Variants in FAM149A observed in about 807,000 individuals in gnomAD.
The protein encoded by FAM149A is family with sequence similarity 149 member A.
Under a neutral mutation model 78.2 loss-of-function variants are expected in FAM149A, and 71 were observed. The observed-to-expected ratio is 0.91, with a 90% CI of 0.75 to 1.11. The LOEUF is 1.11. Ranked by LOEUF, FAM149A falls within the 50% of genes least tolerant of loss-of-function variation. FAM149A has a pLI of 0.00. For missense variants in FAM149A, 1,036 were observed against 971.0 expected (o/e 1.07, Z -0.89); for synonymous variants, 446 against 410.5 (o/e 1.09, Z -1.04).
intron 1 of FAM149A, among the ~76,000 whole-genome samples, chr4:186,108,242 A>G (rs1418247793): frequency 6.6e-6 from 1 of 151,846 alleles, no homozygotes; most frequent in Non-Finnish European, 1.5e-5. Context: ...AAGTTTAAAG[A>G]GTGATGAGAA....
At chr4:186,124,190 C>T (rs1032575003) in intron 1 of FAM149A, 23 of 985,232 alleles carry the variant, frequency 2.3e-5, no homozygotes, top group Non-Finnish European at 2.8e-5. Context: ...GCACTATATT[C>T]CTCCAGAGTG....
intron 1 of FAM149A, among the ~76,000 whole-genome samples, chr4:186,129,329 G>A (rs1443094849): frequency 1.3e-5 from 2 of 152,128 alleles, no homozygotes; most frequent in Non-Finnish European, 2.9e-5. Context: ...TTGACCAAAG[G>A]AGAGAGCAAG....
chr4:186,132,604 G>T lies in FAM149A; in HGVS notation c.567-16569G>T, dbSNP rs2099321176. On this transcript the variant is annotated intron_variant, in intron 1 of 13. Transcript: ENST00000389354. ...TTCAGTATTTAAAGGGGAAAAGCAG[G>T]CTGGAGGGGATAGGAGGGTATGGTC... is the stretch of plus-strand genomic sequence containing the variant. Among the ~76,000 whole-genome samples the T allele has an allele frequency of 2.0e-5, 3 of 152,176 alleles. No individual in the cohort carries two copies. The East Asian group carries it at 5.8e-4, about 29-fold the overall frequency.
Position 186,156,582 on chromosome 4 carries a change from G to A in FAM149A, c.1420+392G>A, listed in dbSNP as rs189524775. On this transcript the variant is annotated intron_variant, in intron 7 of 13. Transcript: ENST00000389354. ...CCAGCTACTCGGGAGGCTGAGGCAGGAGAATTGCTTGAACCCAGGAGGTGG... is the reference window on the plus strand; with the variant it reads ...CCAGCTACTCGGGAGGCTGAGGCAGAAGAATTGCTTGAACCCAGGAGGTGG... 1.6e-4 allele frequency among the ~76,000 whole-genome samples: 24 copies of A among 152,236 alleles called. No individual in the cohort carries two copies. In the East Asian group the frequency reaches 4.6e-3, roughly 29 times the overall value.
chr4:186,163,723 A>T, intron 10 of FAM149A, 90 bp downstream of exon 10: 2 of 925,968 alleles, frequency 2.2e-6, no homozygotes, highest in Admixed American at 2.1e-5. Context: ...TGGACAAAGC[A>T]TCCCTACCTA....
chr4:186,155,683 A>G (rs935588784), intron 6 of FAM149A, among the ~76,000 whole-genome samples: 1 of 152,128 alleles, frequency 6.6e-6, no homozygotes, highest in African/African-American at 2.4e-5. Context: ...AAACAACCTA[A>G]CTTTATACTT....
intron 1 of FAM149A, among the ~76,000 whole-genome samples, chr4:186,134,238 T>C (rs1014981172): frequency 7.2e-5 from 11 of 152,214 alleles, no homozygotes; most frequent in Admixed American, 3.9e-4. Context: ...CATCGTGCGA[T>C]GCTGTTGAAG....
At chr4:186,150,577 G>A (rs13127990) in intron 3 of FAM149A, among the ~76,000 whole-genome samples, 43,261 of 96,410 alleles carry the variant, frequency 0.45, 8,618 homozygotes, top group East Asian at 0.54. Context: ...CCACCACCAC[G>A]CCCGGCTAAT....
intron 13 of FAM149A, chr4:186,171,136 C>G (rs994950477): frequency 8.5e-5 from 13 of 152,460 alleles, no homozygotes; most frequent in Admixed American, 7.9e-4. Context: ...TCCGTGCACC[C>G]TGCGGTGCTG....
intron 8 of FAM149A, chr4:186,160,895 C>A: frequency 1.6e-5 from 16 of 983,966 alleles, no homozygotes; most frequent in Non-Finnish European, 1.8e-5. Flanking sequence ...ATTTAATACT[C>A]CGTGATTGTA....
At chr4:186,106,867 G>C (rs1226930315) in intron 1 of FAM149A, among the ~76,000 whole-genome samples, 1 of 152,090 alleles carries the variant, frequency 6.6e-6, no homozygotes, top group African/African-American at 2.4e-5. Context: ...GGATGATGGC[G>C]TGAACCCGGG....
chr4:186,171,813 A>G, intron 13 of FAM149A, 101 bp from the exon 14 acceptor site: 2 of 765,536 alleles, frequency 2.6e-6, no homozygotes, highest in East Asian at 3.3e-5. Flanking sequence ...AAAATAAAAT[A>G]TATATTTTAA....
chr4:186,151,774 C>A lies in FAM149A; in HGVS notation c.790-129C>A. On this transcript the variant is annotated intron_variant, in intron 3 of 13. Transcript: ENST00000389354. ...GCACAGGTGTGTCTGACTGCAAAGC[C>A]ACCATCTTTTTACCAAGTGATGCAC... is the stretch of plus-strand genomic sequence containing the variant. 5 of 1,449,504 alleles carry A rather than the reference C, an allele frequency of 3.4e-6. No individual in the cohort carries two copies. In the East Asian group the frequency reaches 7.7e-5, roughly 22 times the overall value. The allele number at this position is 1,449,504 out of a possible 1,614,324, so 89.8% of individuals were successfully genotyped here. A position where few individuals can be genotyped will look rare whatever the true frequency, so the allele number is the denominator to read the frequency against.
At chr4:186,148,997 GGGGTGT>G (rs1332537981) in intron 1 of FAM149A, among the ~76,000 whole-genome samples, 170 bp from the exon 2 acceptor site, 1 of 107,154 alleles carries the variant, frequency 9.3e-6, no homozygotes, top group Admixed American at 9.7e-5. Flanking sequence ...TCATCAGGAT[GGGGTGT>G]GTGTGTGTGT....
intron 1 of FAM149A, among the ~76,000 whole-genome samples, chr4:186,134,780 C>G (rs1211210364): frequency 7.4e-6 from 1 of 135,114 alleles, no homozygotes; most frequent in East Asian, 2.7e-4. Context: ...TGGCCTTCAC[C>G]AAGCAGCAGC....
chr4:186,151,773 C>A, intron 3 of FAM149A, 130 bp from the exon 4 acceptor site: 1 of 1,448,612 alleles, frequency 6.9e-7, no homozygotes, highest in Admixed American at 2.3e-5. Flanking sequence ...GACTGCAAAG[C>A]CACCATCTTT....
rs1579744620 is a variant in FAM149A at position 186,105,358 on chromosome 4, G to A, written c.282G>A (p.Leu94=). ...GCGCCGCGGGAGCAGTGGGGACCCTGCTCTCTTGGCCCAGTAGCCCTAGAG... is the reference window on the plus strand; with the variant it reads ...GCGCCGCGGGAGCAGTGGGGACCCTACTCTCTTGGCCCAGTAGCCCTAGAG... The change falls in exon 1 of 14, where the codon CTG becomes CTA. Residue 94 remains leucine (L), a synonymous_variant. Transcript: ENST00000389354. The A allele has an allele frequency of 1.7e-6, 2 of 1,183,622 alleles. No individual in the cohort carries two copies. Among genetic ancestry groups the A allele is most frequent in the Non-Finnish European group, 2.1e-6 (2 of 945,708 alleles). The allele number at this position is 1,183,622 out of a possible 1,614,324, so 73.3% of individuals were successfully genotyped here. A position where few individuals can be genotyped will look rare whatever the true frequency, so the allele number is the denominator to read the frequency against.
chr4:186,117,464 C>A, intron 1 of FAM149A: 1 of 985,252 alleles, frequency 1.0e-6, no homozygotes. Flanking sequence ...GAAGAGGAGG[C>A]GCGGAGATGA....
At chr4:186,126,152 C>T in intron 1 of FAM149A, 1 of 947,036 alleles carries the variant, frequency 1.1e-6, no homozygotes, top group Non-Finnish European at 1.3e-6. Flanking sequence ...TTGCCCTGTC[C>T]ATACTACTCA....
Sources: gnomAD v4.1 joint callset for allele counts (sites outside exome capture counted in the v4.1 genomes callset) on GRCh38, gnomAD v4.1.1 for gene constraint, MANE v1.5 for transcripts, NCBI Gene and HGNC (gene_info 2026-07-23, HGNC 2026-07-21) for gene names.